The following GALNT14 variants were observed in gnomAD, a reference collection of about 807,000 sequenced individuals.
GALNT14 encodes the protein UDP-GalNAc:polypeptide N-acetylgalactosaminyltransferase 14.
Under a neutral mutation model 77.5 loss-of-function variants are expected in GALNT14, and 60 were observed. The observed-to-expected ratio is 0.77, with a 90% confidence interval of 0.63 to 0.96. The LOEUF is 0.96. Ranked by LOEUF, GALNT14 falls within the 40% of genes least tolerant of loss-of-function variation. GALNT14 has a pLI of 0.00. For synonymous variants in GALNT14, 280 were observed against 281.7 expected (o/e 0.99, Z 0.06); for missense variants, 710 against 731.0 (o/e 0.97, Z 0.33).
At chr2:30,908,153 G>C (rs1355899393), downstream of GALNT14, among the ~76,000 whole-genome samples, 77 of 143,724 alleles carry the variant, frequency 5.4e-4, no homozygotes, top group African/African-American at 1.7e-3. Context: ...ACTGGCACAA[G>C]ACAGGGATGC....
At chr2:30,962,645 T>C (rs61388586) in intron 3 of GALNT14, among the ~76,000 whole-genome samples, 31,293 of 152,012 alleles carry the variant, frequency 0.21, 3,563 homozygotes, top group East Asian at 0.34. Flanking sequence ...CACCCCATCA[T>C]CTGTGTGCCC....
intron 2 of GALNT14, among the ~76,000 whole-genome samples, chr2:30,978,030 T>G (rs1213091969): frequency 6.6e-6 from 1 of 152,130 alleles, no homozygotes; most frequent in Non-Finnish European, 1.5e-5. Context: ...TCTCCCGACC[T>G]TCAGAGCCAC....
In GALNT14 at chr2:31,138,301, C is replaced by G. The variant is rs1679321492; in HGVS notation, c.-215G>C. ...GGGTGCAGGGCGACCCGAAACGTGG[C>G]AGGGAAGGACCGAGGGCAGCCAAGC... is the stretch of plus-strand genomic sequence containing the variant. On this transcript the variant is annotated 5_prime_UTR_variant, in exon 1 of 15. Transcript: ENST00000349752. The G allele has an allele frequency of 1.8e-6, 1 of 551,920 alleles. No individual in the cohort carries two copies. 34.2% of individuals were successfully genotyped at this position (551,920 alleles called of 1,614,324 possible).
At chr2:31,013,234 A>G (rs1671147987) in intron 1 of GALNT14, among the ~76,000 whole-genome samples, 1 of 152,082 alleles carries the variant, frequency 6.6e-6, no homozygotes, top group Non-Finnish European at 1.5e-5. Context: ...AAGCAGAGAA[A>G]CAGATGGAAC....
intron 1 of GALNT14, chr2:31,132,792 A>G (rs1235602199): frequency 2.1e-6 from 1 of 466,130 alleles, no homozygotes; most frequent in Admixed American, 2.4e-5. Flanking sequence ...TGTAGGACTA[A>G]CGAATTAGCC....
chr2:30,954,339 T>C (rs1231978763), intron 6 of GALNT14, among the ~76,000 whole-genome samples: 2 of 152,044 alleles, frequency 1.3e-5, no homozygotes, highest in Non-Finnish European at 2.9e-5. Flanking sequence ...CAAAAAAGAG[T>C]AGGAGAGGAG....
intron 1 of GALNT14, among the ~76,000 whole-genome samples, chr2:31,085,839 G>C (rs546068584): frequency 6.6e-6 from 1 of 152,300 alleles, no homozygotes; most frequent in Non-Finnish European, 1.5e-5. Context: ...TAAAGAGAAA[G>C]GTTTGCTGGA....
intron 9 of GALNT14, among the ~76,000 whole-genome samples, chr2:30,934,747 C>G (rs1284726995): frequency 6.6e-6 from 1 of 152,188 alleles, no homozygotes. Flanking sequence ...CCTACATCCC[C>G]TCAACGCTCT....
chr2:30,977,288 A>G (rs191455741), intron 2 of GALNT14, among the ~76,000 whole-genome samples: 179 of 152,172 alleles, frequency 1.2e-3, no homozygotes, highest in African/African-American at 4.0e-3. Flanking sequence ...ACAGGGTTTC[A>G]CCATGTTGGC....
In GALNT14 at chr2:31,054,117, G is replaced by A. The variant is rs72854836; in HGVS notation, c.130-61110C>T. Among the ~76,000 whole-genome samples, 916 of 152,334 alleles carry A rather than the reference G, an allele frequency of 6.0e-3. 8 individuals are homozygous for A. The highest frequency in any genetic ancestry group is 0.021 in the African/African-American group (859 of 41,566). ...ATCCCTGCCTGCAAGGAGATCACAC[G>A]TTACTTAGGGAGACAGTAAAAGTAA... On this transcript the variant is annotated intron_variant, in intron 1 of 14. Coordinates refer to ENST00000349752, the MANE Select transcript of GALNT14 (RefSeq NM_024572.4).
At chr2:31,035,611 AC>A (rs1672684992) in intron 1 of GALNT14, among the ~76,000 whole-genome samples, 1 of 40,590 alleles carries the variant, frequency 2.5e-5, no homozygotes, top group African/African-American at 1.5e-4. Context: ...ACACACACAC[AC>A]ACACCTACAC....
At chr2:31,116,467 A>G (rs1678112206) in intron 1 of GALNT14, among the ~76,000 whole-genome samples, 1 of 152,190 alleles carries the variant, frequency 6.6e-6, no homozygotes, top group African/African-American at 2.4e-5. Flanking sequence ...GCAAATGAAA[A>G]CAAAGCAGGA....
chr2:31,113,613 G>C (rs1366306100), intron 1 of GALNT14, among the ~76,000 whole-genome samples: 1 of 152,136 alleles, frequency 6.6e-6, no homozygotes, highest in African/African-American at 2.4e-5. Context: ...AGCCTGGCTG[G>C]TGGTACTGCT....
chr2:31,019,158 T>A (rs570999551), intron 1 of GALNT14, among the ~76,000 whole-genome samples: 1 of 152,112 alleles, frequency 6.6e-6, no homozygotes, highest in Non-Finnish European at 1.5e-5. Context: ...CCACCACTCA[T>A]ATGTCTCACT....
At chr2:31,132,746 A>G (rs1188533382) in intron 1 of GALNT14, 9 of 470,988 alleles carry the variant, frequency 1.9e-5, no homozygotes, top group Admixed American at 1.9e-4. Context: ...GTTTGCCAAA[A>G]GAAACCCCCA....
At chr2:30,896,850 T>C in the GALNT14 span, among the ~76,000 whole-genome samples, 5 of 151,500 alleles carry the variant, frequency 3.3e-5, no homozygotes, top group African/African-American at 1.2e-4. Flanking sequence ...ATTGGAAAAA[T>C]AGCCATTGTC....
chr2:31,027,918 G>GCA (rs1553361794), intron 1 of GALNT14, among the ~76,000 whole-genome samples: 4 of 151,570 alleles, frequency 2.6e-5, no homozygotes, highest in Admixed American at 6.6e-5. Flanking sequence ...GTGTGTGTGT[G>GCA]CACGCATGCA....
At chr2:31,094,791 G>C (rs1203411694) in intron 1 of GALNT14, among the ~76,000 whole-genome samples, 6 of 152,164 alleles carry the variant, frequency 3.9e-5, no homozygotes, top group Admixed American at 1.3e-4. Flanking sequence ...TACCAGATGA[G>C]GGGCAGGGAA....
intron 1 of GALNT14, among the ~76,000 whole-genome samples, chr2:31,125,472 C>A (rs561159926): frequency 5.0e-5 from 1 of 19,838 alleles, no homozygotes. Flanking sequence ...CTTTCTCACC[C>A]CCCATTCTTC....
Sources: gnomAD v4.1 joint callset for allele counts (sites outside exome capture counted in the v4.1 genomes callset) on GRCh38, gnomAD v4.1.1 for gene constraint, MANE v1.5 for transcripts, NCBI Gene and HGNC (gene_info 2026-07-23, HGNC 2026-07-21) for gene names.